The following MAGI2 variants were observed in gnomAD, a reference collection of about 807,000 sequenced individuals.
MAGI2 encodes membrane associated guanylate kinase, WW and PDZ domain containing 2.
In MAGI2, 35 loss-of-function variants were observed where a neutral mutation model predicts 133.3. The ratio of observed to expected loss-of-function variants is 0.26; its 90% CI spans 0.20 to 0.35. The LOEUF (loss-of-function observed/expected upper bound fraction) is 0.35. MAGI2 is among the 10% of genes least tolerant of loss of function. The pLI is 1.00. For synonymous variants in MAGI2, 729 were observed against 710.6 expected (o/e 1.03, Z -0.41); for missense variants, 1,636 against 1,863.4 (o/e 0.88, Z 2.25).
At chr7:78,559,648 A>C (rs2150733888) in intron 3 of MAGI2, among the ~76,000 whole-genome samples, 1 of 152,256 alleles carries the variant, frequency 6.6e-6, no homozygotes, top group South Asian at 2.1e-4. Flanking sequence ...CGAGAATCAG[A>C]GTGCTGGCTT....
chr7:79,390,901 CTCTTT>C lies in MAGI2; in HGVS notation c.301+62114_301+62118del, dbSNP rs1844550204. On this transcript the variant is annotated intron_variant, in intron 1 of 21. Transcript: ENST00000354212. Reference sequence around the variant, plus strand: ...TACAGTACATTGTGTGACAGCCTCCCTCTTTTGAGTCCCCAGCCATCATCTGTGTA... The same window carrying C: ...TACAGTACATTGTGTGACAGCCTCCCTGAGTCCCCAGCCATCATCTGTGTA... Among the ~76,000 whole-genome samples the C allele has an allele frequency of 1.4e-4, 21 of 152,278 alleles. No individual in the cohort carries two copies. The South Asian group carries it at 4.4e-3, about 32-fold the overall frequency.
At chr7:78,053,372 C>G (rs1222402202) in intron 21 of MAGI2, among the ~76,000 whole-genome samples, 1 of 152,202 alleles carries the variant, frequency 6.6e-6, no homozygotes, top group Non-Finnish European at 1.5e-5. Flanking sequence ...TGTGTTGTCC[C>G]CTGTCTGAGG....
chr7:78,853,408 T>C (rs1793342283), intron 2 of MAGI2, among the ~76,000 whole-genome samples: 1 of 128,404 alleles, frequency 7.8e-6, no homozygotes, highest in Non-Finnish European at 1.6e-5. Context: ...CAGGCTGGAG[T>C]GCAGTAGTGT....
intron 2 of MAGI2, among the ~76,000 whole-genome samples, chr7:78,844,665 C>T (rs1351872377): frequency 6.6e-6 from 1 of 151,702 alleles, no homozygotes; most frequent in African/African-American, 2.4e-5. Context: ...AGAGTGACTG[C>T]TAACAGGAGT....
At chr7:78,294,676 A>G (rs770410872) in intron 9 of MAGI2, among the ~76,000 whole-genome samples, 12 of 151,212 alleles carry the variant, frequency 7.9e-5, no homozygotes, top group Non-Finnish European at 1.2e-4. Context: ...CTATCAGCAA[A>G]TTCACCAACC....
intron 2 of MAGI2, among the ~76,000 whole-genome samples, chr7:78,783,680 C>A (rs1417882117): frequency 6.6e-6 from 1 of 152,154 alleles, no homozygotes; most frequent in Non-Finnish European, 1.5e-5. Flanking sequence ...CAATTTCTGG[C>A]TCTCAGGTTG....
intron 1 of MAGI2, among the ~76,000 whole-genome samples, chr7:79,107,916 A>G (rs1390568425): frequency 6.6e-6 from 1 of 152,228 alleles, no homozygotes; most frequent in African/African-American, 2.4e-5. Flanking sequence ...ATATACCCAC[A>G]GATTCTAATT....
In MAGI2 at chr7:78,135,093, G is replaced by T; in HGVS notation, c.2959C>A (p.Pro987Thr). The change falls in exon 17 of 22, where the codon CCT becomes ACT. Residue 987 changes from proline to threonine, a missense_variant. By Grantham distance (38) the Pro-to-Thr change is conservative (BLOSUM62 -1). This residue lies in a region of MAGI2 where 920 missense variants were observed against 1,093.5 expected (regional missense o/e 0.84). Coordinates refer to ENST00000354212, the MANE Select transcript of MAGI2 (RefSeq NM_012301.4). ...ATGAGCTTCACGATGTCAGCGTGAG[G>T]CATGTTGATGATAGACTGGCCATTC... Reference protein sequence around the residue: ...AVNGQSIINMPHADIVKLIKD... With the variant: ...AVNGQSIINMTHADIVKLIKD... 6.2e-7 allele frequency: 1 copy of T among 1,614,086 alleles called. No individual in the cohort carries two copies. Among genetic ancestry groups the T allele is most frequent in the Non-Finnish European group, 8.5e-7 (1 of 1,179,972 alleles).
At chr7:78,149,628 T>A (rs779038094) in intron 16 of MAGI2, among the ~76,000 whole-genome samples, 6 of 152,242 alleles carry the variant, frequency 3.9e-5, no homozygotes, top group Non-Finnish European at 8.8e-5. Context: ...TGAACTATTC[T>A]TCTACTTCAT....
At chr7:78,200,264 G>T (rs750296671) in intron 11 of MAGI2, among the ~76,000 whole-genome samples, 2 of 152,154 alleles carry the variant, frequency 1.3e-5, no homozygotes, top group Non-Finnish European at 2.9e-5. Flanking sequence ...ACATAAAATG[G>T]GATGCCAGAA....
intron 2 of MAGI2, among the ~76,000 whole-genome samples, chr7:78,973,349 T>C (rs1803952475): frequency 6.6e-6 from 1 of 151,562 alleles, no homozygotes; most frequent in Non-Finnish European, 1.5e-5. Flanking sequence ...TTATATCTTG[T>C]ATGTCTATTT....
chr7:78,146,322 A>G (rs1283852365), intron 16 of MAGI2, among the ~76,000 whole-genome samples: 1 of 151,416 alleles, frequency 6.6e-6, no homozygotes, highest in African/African-American at 2.4e-5. Context: ...ATTCACTATT[A>G]CTACTTGGGG....
intron 9 of MAGI2, among the ~76,000 whole-genome samples, chr7:78,306,911 T>C (rs768235354): frequency 1.5e-4 from 23 of 152,146 alleles, no homozygotes; most frequent in Non-Finnish European, 2.2e-4. Context: ...TTAAATCCTA[T>C]TTAAAATAGT....
At chr7:78,666,947 A>G (rs1813660986) in intron 2 of MAGI2, among the ~76,000 whole-genome samples, 1 of 152,158 alleles carries the variant, frequency 6.6e-6, no homozygotes, top group East Asian at 1.9e-4. Flanking sequence ...AGTAAGACCT[A>G]CTATATATGG....
intron 20 of MAGI2, among the ~76,000 whole-genome samples, chr7:78,098,386 A>G (rs920859891): frequency 2.6e-5 from 4 of 152,162 alleles, no homozygotes; most frequent in Non-Finnish European, 5.9e-5. Context: ...TTGACTCAAC[A>G]TTACGTTGTT....
intron 1 of MAGI2, among the ~76,000 whole-genome samples, chr7:79,296,103 G>A (rs1376213140): frequency 1.3e-5 from 2 of 152,076 alleles, no homozygotes; most frequent in Non-Finnish European, 2.9e-5. Context: ...ATTGTTCTTT[G>A]TGCCACAAGA....
chr7:78,161,624 G>GA (rs1381320930), intron 15 of MAGI2, among the ~76,000 whole-genome samples: 4 of 62,860 alleles, frequency 6.4e-5, no homozygotes, highest in African/African-American at 2.6e-4. Flanking sequence ...AAGTCAGGGA[G>GA]AAAAAACAAA....
At chr7:78,349,882 A>G (rs996022271) in intron 7 of MAGI2, among the ~76,000 whole-genome samples, 3 of 152,216 alleles carry the variant, frequency 2.0e-5, no homozygotes, top group Non-Finnish European at 4.4e-5. Flanking sequence ...CAATGTGTAC[A>G]AAAAGATGTG....
chr7:78,818,309 G>C (rs1418126159), intron 2 of MAGI2, among the ~76,000 whole-genome samples: 1 of 152,096 alleles, frequency 6.6e-6, no homozygotes, highest in Non-Finnish European at 1.5e-5. Context: ...ATTCCACAGA[G>C]GGAGGAAAGG....
Sources: gnomAD v4.1 joint callset for allele counts (sites outside exome capture counted in the v4.1 genomes callset) on GRCh38, gnomAD v4.1.1 for gene constraint, gnomAD v4.1.1 regional missense constraint, MANE v1.5 for transcripts, NCBI Gene and HGNC (gene_info 2026-07-23, HGNC 2026-07-21) for gene names.